Variants in RBM20 observed in about 807,000 individuals in gnomAD.
RBM20 encodes the protein RNA-binding protein 20.
RBM20 carries 51 observed loss-of-function variants against 110.1 expected under a neutral mutation model. The observed-to-expected ratio is 0.46, with a 90% CI of 0.37 to 0.59. The LOEUF is 0.59. Ranked by LOEUF, RBM20 falls within the 20% of genes least tolerant of loss-of-function variation. The probability of loss-of-function intolerance (pLI) is 0.00; values close to 1 mark genes in which losing one functional copy is unlikely to be tolerated. For synonymous variants in RBM20, 589 were observed against 618.2 expected, an observed-to-expected ratio of 0.95 and a Z score of 0.70; for missense variants, 1,512 against 1,574.9, an observed-to-expected ratio of 0.96 and a Z score of 0.68.
rs544742325 is a variant in RBM20 at position 110,796,094 on chromosome 10, C to G, written c.1528-1414C>G. Reference sequence around the variant, plus strand: ...AATATCAATGCATATGTATTAGATTCCCACAAACTTTCTATGTTCTTTTTT... The same window carrying G: ...AATATCAATGCATATGTATTAGATTGCCACAAACTTTCTATGTTCTTTTTT... On this transcript the variant is annotated intron_variant, in intron 5 of 13. Coordinates refer to ENST00000369519, the MANE Select transcript of RBM20 (RefSeq NM_001134363.3). Among the ~76,000 whole-genome samples, 3 of 152,296 alleles carry G rather than the reference C, an allele frequency of 2.0e-5. No individual in the cohort carries two copies. In the East Asian group the frequency reaches 5.8e-4, roughly 29 times the overall value.
chr10:110,742,059 C>CTGG (rs1843730903), intron 1 of RBM20, among the ~76,000 whole-genome samples: 1 of 152,194 alleles, frequency 6.6e-6, no homozygotes, highest in Admixed American at 6.5e-5. Flanking sequence ...GAGTGCTCCA[C>CTGG]CCTTTTTTGT....
intron 1 of RBM20, among the ~76,000 whole-genome samples, chr10:110,690,294 T>C (rs1422892641): frequency 6.6e-6 from 1 of 152,052 alleles, no homozygotes; most frequent in Non-Finnish European, 1.5e-5. Flanking sequence ...TAGTTCCAGC[T>C]ACTTGAGAGG....
chr10:110,738,183 T>G (rs763745210), intron 1 of RBM20, among the ~76,000 whole-genome samples: 2 of 152,122 alleles, frequency 1.3e-5, no homozygotes, highest in Non-Finnish European at 2.9e-5. Flanking sequence ...CAGCTTACTG[T>G]TAGGTTTTTT....
At chr10:110,659,752 TTCTTCC>T (rs1382813847) in intron 1 of RBM20, among the ~76,000 whole-genome samples, 4 of 151,720 alleles carry the variant, frequency 2.6e-5, no homozygotes, top group Admixed American at 6.6e-5. Context: ...CTTCCTCTTC[TTCTTCC>T]TCTTCCTCTT....
chr10:110,812,320 G>T lies in RBM20; in HGVS notation c.1923G>T (p.Arg641=). The T allele has an allele frequency of 6.4e-7, 1 of 1,551,036 alleles. No individual in the cohort carries two copies. Among genetic ancestry groups the T allele is most frequent in the South Asian group, 1.2e-5 (1 of 84,028 alleles). ...CGCGGTCTCGTAGTCCGGTGAGCCG[G>T]TCACTCTCCCCGAGGTCCCACACTC... The part of the protein sequence containing the change: ...ERPRSRSPVS[R]SLSPRSHTPS... The change falls in exon 9 of 14, where the codon CGG becomes CGT. Residue 641 remains arginine (R), a synonymous_variant. Coordinates refer to ENST00000369519, the MANE Select transcript of RBM20 (RefSeq NM_001134363.3).
chr10:110,682,392 T>G (rs747653103), intron 1 of RBM20, among the ~76,000 whole-genome samples: 5 of 152,224 alleles, frequency 3.3e-5, no homozygotes, highest in African/African-American at 4.8e-5. Context: ...TAGGGCCAGA[T>G]AGTAAAGAGT....
chr10:110,729,871 T>A (rs1486479461), intron 1 of RBM20, among the ~76,000 whole-genome samples: 1 of 152,244 alleles, frequency 6.6e-6, no homozygotes, highest in Non-Finnish European at 1.5e-5. Flanking sequence ...TTGCCCAGGC[T>A]GGAGTGCAAC....
chr10:110,804,655 A>G (rs1008492903), intron 7 of RBM20, among the ~76,000 whole-genome samples: 2 of 152,242 alleles, frequency 1.3e-5, no homozygotes, highest in African/African-American at 2.4e-5. Context: ...AATGAATAAG[A>G]AAGAGAAAAT....
intron 7 of RBM20, among the ~76,000 whole-genome samples, chr10:110,805,628 T>G (rs1167196482): frequency 6.6e-6 from 1 of 152,194 alleles, no homozygotes; most frequent in Admixed American, 6.5e-5. Context: ...GAAAGTGAGT[T>G]TCCCATCGGC....
At chr10:110,675,310 G>C (rs1054830768) in intron 1 of RBM20, among the ~76,000 whole-genome samples, 1 of 152,204 alleles carries the variant, frequency 6.6e-6, no homozygotes. Context: ...GATGGGCTAG[G>C]TTTGGGAGGA....
chr10:110,764,455 A>G (rs1406396315), intron 1 of RBM20, among the ~76,000 whole-genome samples: 6 of 152,164 alleles, frequency 3.9e-5, no homozygotes, highest in African/African-American at 1.4e-4. Context: ...TTGGGTGTTG[A>G]TATGTGAAGA....
intron 1 of RBM20, among the ~76,000 whole-genome samples, chr10:110,711,170 A>C (rs1199412060): frequency 1.0e-5 from 1 of 97,394 alleles, no homozygotes; most frequent in Non-Finnish European, 2.1e-5. Context: ...TCTCTACTAA[A>C]AATACAAAAA....
chr10:110,769,740 A>G (rs1038791602), intron 1 of RBM20, among the ~76,000 whole-genome samples: 2 of 151,052 alleles, frequency 1.3e-5, no homozygotes, highest in Non-Finnish European at 3.0e-5. Flanking sequence ...TTTTTTTCAG[A>G]CAGGGTCTTG....
Position 110,673,935 on chromosome 10 carries a change from T to G in RBM20, c.191+29290T>G, listed in dbSNP as rs75836595. On this transcript the variant is annotated intron_variant, in intron 1 of 13. Coordinates refer to ENST00000369519, the MANE Select transcript of RBM20 (RefSeq NM_001134363.3). ...TTTTAGGGTTGGCTTCCTAAACATTTTGGGGAGAATGAATCTACCAGCAGA... is the reference window on the plus strand; with the variant it reads ...TTTTAGGGTTGGCTTCCTAAACATTGTGGGGAGAATGAATCTACCAGCAGA... Among the ~76,000 whole-genome samples the G allele has an allele frequency of 4.2e-3, 638 of 152,270 alleles. 4 individuals are homozygous for G. The highest frequency in any genetic ancestry group is 6.7e-3 in the Non-Finnish European group (457 of 68,024).
intron 1 of RBM20, among the ~76,000 whole-genome samples, chr10:110,685,174 C>T (rs1277752469): frequency 6.6e-6 from 1 of 152,212 alleles, no homozygotes; most frequent in East Asian, 1.9e-4. Context: ...TTACGCATTC[C>T]TTGTCATCTT....
Position 110,810,374 on chromosome 10 carries a change from C to T in RBM20, c.1801-9C>T. On this transcript the variant is annotated splice_polypyrimidine_tract_variant and intron_variant, in intron 7 of 13. Transcript: ENST00000369519. ...TCTGATCTGATGGTGATCTCTCTGA[C>T]TTTGCTAGAAACCCGGGAAGGCCGT... is the stretch of plus-strand genomic sequence containing the variant. The T allele has an allele frequency of 6.5e-7, 1 of 1,550,352 alleles. No homozygotes were observed. The highest frequency in any genetic ancestry group is 8.7e-7 in the Non-Finnish European group (1 of 1,145,808).
chr10:110,799,689 G>C (rs1844596422), intron 6 of RBM20, 98 bp from the exon 7 acceptor site: 1 of 1,246,768 alleles, frequency 8.0e-7, no homozygotes, highest in African/African-American at 1.5e-5. Context: ...AGTTTTGCCT[G>C]TTCTTGAACT....
intron 1 of RBM20, among the ~76,000 whole-genome samples, chr10:110,735,614 A>T (rs988044603): frequency 6.6e-6 from 1 of 152,340 alleles, no homozygotes; most frequent in South Asian, 2.1e-4. Flanking sequence ...GCATGTATGT[A>T]TGAGTCCATC....
chr10:110,649,307 C>T (rs1354162653), intron 1 of RBM20, among the ~76,000 whole-genome samples: 1 of 151,902 alleles, frequency 6.6e-6, no homozygotes. Context: ...AACTAATATT[C>T]TTCCCCGCCC....
Sources: gnomAD v4.1 joint callset for allele counts (sites outside exome capture counted in the v4.1 genomes callset) on GRCh38, gnomAD v4.1.1 for gene constraint, MANE v1.5 for transcripts, NCBI Gene and HGNC (gene_info 2026-07-23, HGNC 2026-07-21) for gene names.